SH3TC2: variants seen among roughly 807,000 people sequenced by gnomAD.
The protein encoded by SH3TC2 is SH3 domain and tetratricopeptide repeat-containing protein 2.
Under a neutral mutation model 124.5 loss-of-function variants are expected in SH3TC2, and 87 were observed. That is an observed-to-expected ratio of 0.70 (90% CI 0.59 to 0.84). The LOEUF is 0.84. Ranked by LOEUF, SH3TC2 falls within the 40% of genes least tolerant of loss-of-function variation. The pLI is 0.00. For synonymous variants in SH3TC2, 634 were observed against 628.5 expected, an observed-to-expected ratio of 1.01 and a Z score of -0.13; for missense variants, 1,536 against 1,566.4, an observed-to-expected ratio of 0.98 and a Z score of 0.33.
chr5:149,007,204 T>A (rs1753706199), intron 15 of SH3TC2, 127 bp from the exon 16 acceptor site: 6 of 846,890 alleles, frequency 7.1e-6, no homozygotes, highest in South Asian at 5.6e-5. Flanking sequence ...GCATAGGAAA[T>A]AAGACAGAAG....
At position 149,034,266 on chromosome 5, in the gene SH3TC2, G is replaced by A. The variant is rs555400188; in HGVS notation, c.1002-2579C>T. ...CAGCAAGTTTAGTCATAGCAGAGGT[G>A]AGAATTAGTGAAACTGAAGATTATG... On this transcript the variant is annotated intron_variant, in intron 8 of 16. Coordinates refer to ENST00000515425, the MANE Select transcript of SH3TC2 (RefSeq NM_024577.4). 1.1e-4 allele frequency: 18 copies of A among 164,068 alleles called. No individual in the cohort carries two copies. The South Asian group carries it at 2.7e-3, about 24-fold the overall frequency. The allele number at this position is 164,068 out of a possible 1,614,324, so 10.2% of individuals were successfully genotyped here. A position where few individuals can be genotyped will look rare whatever the true frequency, so the allele number is the denominator to read the frequency against.
chr5:149,050,591 G>C (rs943562975), intron 2 of SH3TC2, among the ~76,000 whole-genome samples: 4 of 152,270 alleles, frequency 2.6e-5, no homozygotes, highest in African/African-American at 9.6e-5. Context: ...GGTTTTTTCA[G>C]GGGTGGTCCA....
chr5:149,062,472 G>GCA, intron 1 of SH3TC2: 1 of 477,664 alleles, frequency 2.1e-6, no homozygotes, highest in Non-Finnish European at 4.3e-6. Context: ...TCAACTTGAT[G>GCA]CACACACTCA....
intron 8 of SH3TC2, among the ~76,000 whole-genome samples, chr5:149,032,490 T>C (rs1754213916): frequency 6.6e-6 from 1 of 152,222 alleles, no homozygotes; most frequent in Non-Finnish European, 1.5e-5. Context: ...ATAGAGAATG[T>C]TTTAATGTCA....
intron 8 of SH3TC2, among the ~76,000 whole-genome samples, chr5:149,033,384 T>C (rs1754231010): frequency 6.6e-6 from 1 of 152,198 alleles, no homozygotes; most frequent in Admixed American, 6.5e-5. Flanking sequence ...CCCATATCTA[T>C]AGAAAAATCT....
chr5:148,984,823 G>C lies in SH3TC2; in HGVS notation c.*19888C>G, dbSNP rs1753308688. ...AGGCATCTGCTTCCTGCTTCACCTT[G>C]AAGGTTATGTACTCCACTCACTTCT... On this transcript the variant is annotated 3_prime_UTR_variant, in exon 17 of 17. Coordinates refer to ENST00000515425, the MANE Select transcript of SH3TC2 (RefSeq NM_024577.4). 6.6e-6 allele frequency among the ~76,000 whole-genome samples: 1 copy of C among 152,148 alleles called. No individual in the cohort carries two copies. The highest frequency in any genetic ancestry group is 6.5e-5 in the Admixed American group (1 of 15,268).
chr5:149,006,424 A>G (rs1361902665), intron 16 of SH3TC2, among the ~76,000 whole-genome samples: 1 of 152,228 alleles, frequency 6.6e-6, no homozygotes, highest in Non-Finnish European at 1.5e-5. Flanking sequence ...GTAGCTTTAC[A>G]TTACTTTATA....
At chr5:149,042,564 A>G (rs1336402490) in intron 5 of SH3TC2, 130 bp downstream of exon 5, 3 of 1,100,702 alleles carry the variant, frequency 2.7e-6, no homozygotes, top group South Asian at 2.5e-5. Context: ...TACTATTATA[A>G]CAGGTGGGTT....
At chr5:149,049,469 T>C (rs1187848174) in intron 2 of SH3TC2, among the ~76,000 whole-genome samples, 2 of 152,192 alleles carry the variant, frequency 1.3e-5, no homozygotes, top group Non-Finnish European at 2.9e-5. Flanking sequence ...CCACAGGGGT[T>C]TTAAGATGTT....
intron 16 of SH3TC2, among the ~76,000 whole-genome samples, chr5:149,005,610 GCTAGAGGGTGCTTCA>G (rs1050220597): frequency 4.6e-5 from 7 of 152,148 alleles, no homozygotes; most frequent in African/African-American, 1.7e-4. Flanking sequence ...AGGCAAGATG[GCTAGAGGGTGCTTCA>G]CTACCCCCGG....
chr5:149,002,490 C>G lies in SH3TC2; in HGVS notation c.*2221G>C, dbSNP rs1248563037. On this transcript the variant is annotated 3_prime_UTR_variant, in exon 17 of 17. Transcript: ENST00000515425. Reference sequence around the variant, plus strand: ...GAGAATACTCTCTAGAGTAGACAGCCTTTTGACAACCAACCACATCTCTAA... The same window carrying G: ...GAGAATACTCTCTAGAGTAGACAGCGTTTTGACAACCAACCACATCTCTAA... The G allele has an allele frequency of 6.6e-6, 1 of 152,390 alleles. No homozygotes were observed. The highest frequency in any genetic ancestry group is 1.9e-4 in the East Asian group (1 of 5,186). The allele number at this position is 152,390 out of a possible 1,614,324, so 9.4% of individuals were successfully genotyped here.
At chr5:149,054,929 G>C (rs1019784090) in intron 1 of SH3TC2, among the ~76,000 whole-genome samples, 1 of 152,194 alleles carries the variant, frequency 6.6e-6, no homozygotes, top group Admixed American at 6.5e-5. Flanking sequence ...ACCCTGGCTT[G>C]GGGAAAGGGT....
intron 8 of SH3TC2, among the ~76,000 whole-genome samples, chr5:149,038,021 C>T (rs2127399913): frequency 6.6e-6 from 1 of 152,324 alleles, no homozygotes; most frequent in African/African-American, 2.4e-5. Context: ...ACCAAAACCA[C>T]ACCCTCAGTG....
chr5:149,004,570 C>T lies in SH3TC2; in HGVS notation c.*141G>A, dbSNP rs1412797721. ...GTGGCCTGCAATGAGCCCTTCTCCTCCTGGACTTCATTCTTCTTCTTGTGA... is the reference window on the plus strand; with the variant it reads ...GTGGCCTGCAATGAGCCCTTCTCCTTCTGGACTTCATTCTTCTTCTTGTGA... On this transcript the variant is annotated 3_prime_UTR_variant, in exon 17 of 17. Transcript: ENST00000515425. The T allele has an allele frequency of 2.6e-5, 22 of 859,842 alleles. No homozygotes were observed. Among genetic ancestry groups the T allele is most frequent in the Non-Finnish European group, 2.7e-5 (15 of 559,214 alleles). 53.3% of individuals were successfully genotyped at this position (859,842 alleles called of 1,614,324 possible). A position where few individuals can be genotyped will look rare whatever the true frequency, so the allele number is the denominator to read the frequency against.
Position 148,984,479 on chromosome 5 carries a change from G to C in SH3TC2, c.*20232C>G, listed in dbSNP as rs1221745210. ...AGAACTATATTGGGAAAAACCCTGG[G>C]GCCTTGTCTGGGCTCATGACTCATG... On this transcript the variant is annotated 3_prime_UTR_variant, in exon 17 of 17. Coordinates refer to ENST00000515425, the MANE Select transcript of SH3TC2 (RefSeq NM_024577.4). Among the ~76,000 whole-genome samples the C allele has an allele frequency of 6.6e-6, 1 of 151,898 alleles. No homozygotes were observed. The highest frequency in any genetic ancestry group is 1.5e-5 in the Non-Finnish European group (1 of 67,986).
Position 149,023,583 on chromosome 5 carries a change from C to CTTTTTTT in SH3TC2, c.3053+2982_3053+2988dup, listed in dbSNP as rs5872108. Among the ~76,000 whole-genome samples the CTTTTTTT allele has an allele frequency of 2.7e-4, 29 of 107,244 alleles. 1 individual carries two copies. The highest frequency in any genetic ancestry group is 8.7e-4 in the African/African-American group (23 of 26,510). 70.4% of individuals were successfully genotyped at this position (107,244 alleles called of 152,430 possible). On this transcript the variant is annotated intron_variant, in intron 12 of 16. Coordinates refer to ENST00000515425, the MANE Select transcript of SH3TC2 (RefSeq NM_024577.4). ...TATAACCTTCAATAATAGTGTAATC[C>CTTTTTTT]TTTTTTTTTTTTTTTTTTGAGAGAC... is the stretch of plus-strand genomic sequence containing the variant.
Position 148,993,720 on chromosome 5 carries a change from A to G in SH3TC2, c.*10991T>C, listed in dbSNP as rs1426208473. Among the ~76,000 whole-genome samples the G allele has an allele frequency of 6.6e-6, 1 of 152,214 alleles. No homozygotes were observed. Among genetic ancestry groups the G allele is most frequent in the Non-Finnish European group, 1.5e-5 (1 of 68,040 alleles). On this transcript the variant is annotated 3_prime_UTR_variant, in exon 17 of 17. Transcript: ENST00000515425. ...ATCATTTACAGATGATGCTCTGACA[A>G]GGGAGGCAGACTGAGACCATCACTG...
chr5:148,985,448 G>T lies in SH3TC2; in HGVS notation c.*19263C>A, dbSNP rs1753317796. 1.3e-5 allele frequency among the ~76,000 whole-genome samples: 2 copies of T among 152,130 alleles called. No homozygotes were observed. Among genetic ancestry groups the T allele is most frequent in the African/African-American group, 2.4e-5 (1 of 41,422 alleles). On this transcript the variant is annotated 3_prime_UTR_variant, in exon 17 of 17. Coordinates refer to ENST00000515425, the MANE Select transcript of SH3TC2 (RefSeq NM_024577.4). The stretch of plus-strand genomic sequence containing the variant: ...CCTGTAGTTTTTAAAATGCCATATG[G>T]ATTATATACAGTATGTAGCATTTTA...
intron 6 of SH3TC2, 36 bp downstream of exon 6, chr5:149,041,380 C>T (rs1170954716): frequency 1.2e-6 from 2 of 1,607,966 alleles, no homozygotes; most frequent in Non-Finnish European, 1.7e-6. Flanking sequence ...TCAGTCTGCT[C>T]TGGGACTTGC....
Sources: gnomAD v4.1 joint callset for allele counts (sites outside exome capture counted in the v4.1 genomes callset) on GRCh38, gnomAD v4.1.1 for gene constraint, MANE v1.5 for transcripts, NCBI Gene and HGNC (gene_info 2026-07-23, HGNC 2026-07-21) for gene names.